Variants in AUH observed in about 807,000 individuals in gnomAD.
AUH encodes methylglutaconyl-CoA hydratase, mitochondrial.
AUH carries 29 observed loss-of-function variants against 42.3 expected under a neutral mutation model. That is an observed-to-expected ratio of 0.69 (90% confidence interval 0.51 to 0.93). AUH has a LOEUF of 0.93. Among genes scored for constraint, AUH ranks in the 40% least tolerant of loss-of-function variants. The probability of loss-of-function intolerance (pLI) is 0.00; values close to 1 mark genes in which losing one functional copy is unlikely to be tolerated. For synonymous variants in AUH, 174 were observed against 166.4 expected, an observed-to-expected ratio of 1.05 and a Z score of -0.35; for missense variants, 452 against 438.1, an observed-to-expected ratio of 1.03 and a Z score of -0.28.
intron 3 of AUH, among the ~76,000 whole-genome samples, chr9:91,347,651 A>C (rs911600304): frequency 3.3e-5 from 5 of 152,222 alleles, no homozygotes; most frequent in African/African-American, 1.2e-4. Flanking sequence ...GGCAAAGACC[A>C]AATATATTTT....
At chr9:91,358,725 T>C (rs767462974) in intron 1 of AUH, among the ~76,000 whole-genome samples, 3 of 152,200 alleles carry the variant, frequency 2.0e-5, no homozygotes, top group Non-Finnish European at 4.4e-5. Context: ...CATCAAAATG[T>C]TTCTAACACA....
intron 3 of AUH, among the ~76,000 whole-genome samples, chr9:91,348,272 TA>T (rs1372562069): frequency 1.3e-5 from 2 of 152,208 alleles, no homozygotes; most frequent in Non-Finnish European, 1.5e-5. Flanking sequence ...CAAGTGTTGG[TA>T]AGCATGTGGA....
intron 4 of AUH, among the ~76,000 whole-genome samples, chr9:91,314,816 C>T (rs764244612): frequency 6.6e-6 from 1 of 152,214 alleles, no homozygotes; most frequent in East Asian, 1.9e-4. Context: ...GCCCTTCTGC[C>T]GTTCTGTCAA....
intron 4 of AUH, among the ~76,000 whole-genome samples, chr9:91,313,629 C>T (rs1358227174): frequency 1.3e-4 from 19 of 143,564 alleles, no homozygotes; most frequent in Admixed American, 7.2e-4. Context: ...GGCGTGAACC[C>T]GGGAGGCGGA....
chr9:91,228,241 G>C (rs978430778), intron 6 of AUH, among the ~76,000 whole-genome samples: 5 of 152,140 alleles, frequency 3.3e-5, no homozygotes, highest in African/African-American at 1.2e-4. Context: ...TCCTGTTATT[G>C]GTCTATTCAG....
intron 6 of AUH, 70 bp downstream of exon 6, chr9:91,295,951 T>C: frequency 6.5e-7 from 1 of 1,542,432 alleles, no homozygotes; most frequent in Non-Finnish European, 9.0e-7. Flanking sequence ...CCAATTAACA[T>C]GATTTTGCCT....
chr9:91,228,804 G>A (rs1321171876), intron 6 of AUH, among the ~76,000 whole-genome samples: 2 of 152,036 alleles, frequency 1.3e-5, no homozygotes, highest in African/African-American at 4.8e-5. Flanking sequence ...CCTTCATTTC[G>A]TTATGTACCC....
At chr9:91,353,243 C>T (rs547119017) in intron 3 of AUH, among the ~76,000 whole-genome samples, 4 of 151,976 alleles carry the variant, frequency 2.6e-5, no homozygotes, top group Non-Finnish European at 5.9e-5. Context: ...CCTACTACCA[C>T]GCCCAGAAAA....
chr9:91,306,324 C>G, intron 4 of AUH: 1 of 982,330 alleles, frequency 1.0e-6, no homozygotes, highest in Non-Finnish European at 1.2e-6. Flanking sequence ...GAAGGTTACA[C>G]TTACTAGTAG....
chr9:91,224,417 ACT>A (rs1827316794), intron 6 of AUH, among the ~76,000 whole-genome samples: 1 of 152,064 alleles, frequency 6.6e-6, no homozygotes, highest in Admixed American at 6.5e-5. Context: ...TTGCCTTTTC[ACT>A]CTGTTGATAG....
In AUH at chr9:91,217,560, G is replaced by A. The variant is rs112394234; in HGVS notation, c.844-233C>T. On this transcript the variant is annotated intron_variant, in intron 7 of 9. Coordinates refer to ENST00000375731, the MANE Select transcript of AUH (RefSeq NM_001698.3). ...CATGTTTTGTTATGCTGCAAACTCC[G>A]GATCCTTAAAGGTGAGCAGGTAGTG... Among the ~76,000 whole-genome samples the A allele has an allele frequency of 2.6e-3, 401 of 152,186 alleles. 4 individuals are homozygous for A. The highest frequency in any genetic ancestry group is 8.8e-3 in the African/African-American group (367 of 41,496).
In AUH at chr9:91,361,614, C is replaced by A. The variant is rs200386272; in HGVS notation, c.262+14G>T. On this transcript the variant is annotated intron_variant, in intron 1 of 9. Transcript: ENST00000375731. ...CGCCCGCTGCCCCGCGCCTGCCCAG[C>A]GTTCGCACCTCACCTCGGTTCTCCT... The A allele has an allele frequency of 1.3e-6, 2 of 1,574,704 alleles. No homozygotes were observed. The highest frequency in any genetic ancestry group is 3.4e-4 in the Middle Eastern group (2 of 5,842).
At chr9:91,250,646 T>A (rs1829076308) in intron 6 of AUH, among the ~76,000 whole-genome samples, 1 of 152,262 alleles carries the variant, frequency 6.6e-6, no homozygotes, top group Admixed American at 6.5e-5. Context: ...CTCAGGCAAC[T>A]AAAACCCTAA....
At chr9:91,322,200 A>G (rs1829632391) in intron 4 of AUH, among the ~76,000 whole-genome samples, 1 of 152,242 alleles carries the variant, frequency 6.6e-6, no homozygotes, top group Non-Finnish European at 1.5e-5. Context: ...ATGACATTGC[A>G]AAGACAGAAA....
At chr9:91,266,469 G>A (rs1286994123) in intron 6 of AUH, among the ~76,000 whole-genome samples, 1 of 152,146 alleles carries the variant, frequency 6.6e-6, no homozygotes, top group African/African-American at 2.4e-5. Flanking sequence ...TGTACTTGAT[G>A]GCCAACCTTC....
intron 6 of AUH, among the ~76,000 whole-genome samples, chr9:91,229,524 T>C (rs1193787657): frequency 6.6e-6 from 1 of 150,650 alleles, no homozygotes. Context: ...CCAGTCTGTG[T>C]CTTTTAATTG....
rs189600184 is a variant in AUH, at chr9:91,233,676, G to A, written c.656-12684C>T. 1.4e-3 allele frequency among the ~76,000 whole-genome samples: 206 copies of A among 152,280 alleles called. 1 individual carries two copies. Among genetic ancestry groups the A allele is most frequent in the African/African-American group, 2.2e-3 (93 of 41,550 alleles). On this transcript the variant is annotated intron_variant, in intron 6 of 9. Transcript: ENST00000375731. Reference sequence around the variant, plus strand: ...TTTTAGAGGAAAAAATGAAGATTACGTAACTGTTTCAAAATAATTATCCTT... The same window carrying A: ...TTTTAGAGGAAAAAATGAAGATTACATAACTGTTTCAAAATAATTATCCTT...
At chr9:91,272,640 T>C (rs1341638922) in intron 6 of AUH, among the ~76,000 whole-genome samples, 1 of 152,174 alleles carries the variant, frequency 6.6e-6, no homozygotes, top group Admixed American at 6.5e-5. Context: ...AATTTTTCCA[T>C]CACCACATTT....
At chr9:91,224,832 T>C (rs1036536439) in intron 6 of AUH, among the ~76,000 whole-genome samples, 4 of 152,176 alleles carry the variant, frequency 2.6e-5, no homozygotes, top group African/African-American at 9.7e-5. Context: ...GAAAGTAAAC[T>C]GTCCCCTCCA....
Sources: gnomAD v4.1 joint callset for allele counts (sites outside exome capture counted in the v4.1 genomes callset) on GRCh38, gnomAD v4.1.1 for gene constraint, MANE v1.5 for transcripts, NCBI Gene and HGNC (gene_info 2026-07-23, HGNC 2026-07-21) for gene names.